MYLK4: variants seen among roughly 807,000 people sequenced by gnomAD.
MYLK4 encodes caMLCK like.
A neutral mutation model predicts 48.1 loss-of-function variants in MYLK4; 46 were observed. That is an observed-to-expected ratio of 0.96 (90% confidence interval 0.75 to 1.22). The LOEUF is 1.22. Ranked by LOEUF, MYLK4 falls within the 50% of genes most tolerant of loss-of-function variation. The probability of loss-of-function intolerance (pLI) is 0.00; values close to 1 mark genes in which losing one functional copy is unlikely to be tolerated. For missense variants in MYLK4, 451 were observed against 486.1 expected (o/e 0.93, Z 0.68); for synonymous variants, 170 against 180.8 (o/e 0.94, Z 0.48).
At chr6:2,765,683 C>A in the MYLK4 span, 1 of 1,551,392 alleles carries the variant, frequency 6.4e-7, no homozygotes, top group Non-Finnish European at 8.6e-7. Context: ...GGTGCAGTGC[C>A]CCGTGTGCCA....
At chr6:2,761,606 G>A in the MYLK4 span, among the ~76,000 whole-genome samples, 4 of 152,174 alleles carry the variant, frequency 2.6e-5, no homozygotes, top group East Asian at 7.7e-4. Context: ...TAATTCTCAT[G>A]ACAGACCGTG....
chr6:2,765,536 G>T, the MYLK4 span: 4 of 1,324,472 alleles, frequency 3.0e-6, no homozygotes, highest in African/African-American at 6.2e-5. Flanking sequence ...GTCTCGCGGC[G>T]CGGGGCCTAG....
chr6:2,680,373 A>G, intron 7 of MYLK4, 82 bp from the exon 8 acceptor site: 1 of 1,599,132 alleles, frequency 6.3e-7, no homozygotes, highest in South Asian at 1.1e-5. Context: ...TAAAAATACA[A>G]CGATGCTCAG....
Position 2,749,388 on chromosome 6 carries a change from C to G in MYLK4, c.-94G>C, listed in dbSNP as rs115316828. 6.3e-3 allele frequency: 5,908 copies of G among 943,058 alleles called. 40 individuals carry two copies. The highest frequency in any genetic ancestry group is 0.011 in the South Asian group (560 of 51,938). 58.4% of individuals were successfully genotyped at this position (943,058 alleles called of 1,614,324 possible). A position where few individuals can be genotyped will look rare whatever the true frequency, so the allele number is the denominator to read the frequency against. On this transcript the variant is annotated 5_prime_UTR_variant, in exon 2 of 13. Coordinates refer to ENST00000274643, the MANE Select transcript of MYLK4 (RefSeq NM_001012418.5). ...AAATCAGGACACAATTATGACTCTTCAGTGCTTCTTTCTCTTGACTGCAAA... is the reference window on the plus strand; with the variant it reads ...AAATCAGGACACAATTATGACTCTTGAGTGCTTCTTTCTCTTGACTGCAAA...
Position 2,667,179 on chromosome 6 carries a change from A to T in MYLK4, c.*746T>A, listed in dbSNP as rs911822815. On this transcript the variant is annotated 3_prime_UTR_variant, in exon 13 of 13. Transcript: ENST00000274643. ...CTTTTTGCATCACCTCTCAAAACCA[A>T]TGTGTTTTGTGGGGATGAACTGTCA... 5.3e-5 allele frequency: 8 copies of T among 152,200 alleles called. No individual in the cohort carries two copies. The highest frequency in any genetic ancestry group is 1.9e-4 in the African/African-American group (8 of 41,428). 9.4% of individuals were successfully genotyped at this position (152,200 alleles called of 1,614,324 possible).
At chr6:2,719,046 G>A (rs188039531) in intron 2 of MYLK4, among the ~76,000 whole-genome samples, 3 of 152,248 alleles carry the variant, frequency 2.0e-5, no homozygotes, top group Admixed American at 1.3e-4. Context: ...GACTGTTCTT[G>A]CAGACAGACC....
chr6:2,717,221 G>A (rs1762896319), intron 2 of MYLK4, among the ~76,000 whole-genome samples: 2 of 152,232 alleles, frequency 1.3e-5, no homozygotes, highest in Admixed American at 6.5e-5. Flanking sequence ...CGTAATTTGT[G>A]TAAAGTCTGA....
chr6:2,681,387 T>C (rs76725909), intron 7 of MYLK4, among the ~76,000 whole-genome samples: 2,485 of 152,328 alleles, frequency 0.016, 82 homozygotes, highest in African/African-American at 0.058. Context: ...AAAACAGATG[T>C]TTGTGAGTAA....
chr6:2,694,512 G>A (rs977899247), intron 2 of MYLK4, among the ~76,000 whole-genome samples: 39 of 31,572 alleles, frequency 1.2e-3, no homozygotes, highest in East Asian at 2.3e-3. Flanking sequence ...GGTGGTGGTG[G>A]CGGTGGTGGT....
chr6:2,762,100 G>C, the MYLK4 span, among the ~76,000 whole-genome samples: 2 of 152,056 alleles, frequency 1.3e-5, no homozygotes, highest in Non-Finnish European at 2.9e-5. Flanking sequence ...TTAGTAGACA[G>C]GGTTTCACCA....
rs568057204 is a variant in MYLK4 at position 2,723,696 on chromosome 6, G to A, written c.159+25440C>T. On this transcript the variant is annotated intron_variant, in intron 2 of 12. Transcript: ENST00000274643. Reference sequence around the variant, plus strand: ...GAGCTCAGGTAGAAGTGGTCGGGCTGTGGGTAGCTCTGCCTCCAGTCATCT... The same window carrying A: ...GAGCTCAGGTAGAAGTGGTCGGGCTATGGGTAGCTCTGCCTCCAGTCATCT... Among the ~76,000 whole-genome samples, 78 of 152,150 alleles carry A rather than the reference G, an allele frequency of 5.1e-4. 1 individual carries two copies. Among genetic ancestry groups the A allele is most frequent in the Non-Finnish European group, 8.7e-4 (59 of 68,018 alleles).
chr6:2,686,081 AAG>A (rs749353565), intron 4 of MYLK4, among the ~76,000 whole-genome samples: 17,625 of 100,928 alleles, frequency 0.17, 1,218 homozygotes, highest in African/African-American at 0.24. Context: ...AAAAAAAAAA[AAG>A]AAGAAAGAAA....
chr6:2,741,348 G>A (rs1240838041), intron 2 of MYLK4, among the ~76,000 whole-genome samples: 7 of 152,074 alleles, frequency 4.6e-5, no homozygotes, highest in Non-Finnish European at 8.8e-5. Flanking sequence ...TTTTGACGAC[G>A]TTGTTCTAAC....
intron 3 of MYLK4, among the ~76,000 whole-genome samples, chr6:2,691,971 G>A (rs772564708): frequency 6.6e-6 from 1 of 152,214 alleles, no homozygotes; most frequent in Non-Finnish European, 1.5e-5. Context: ...ACGCAATGCT[G>A]TAACCCTACC....
intron 2 of MYLK4, among the ~76,000 whole-genome samples, chr6:2,723,044 C>T (rs946358780): frequency 6.6e-6 from 1 of 152,102 alleles, no homozygotes; most frequent in Admixed American, 6.5e-5. Flanking sequence ...TCGATCCCAG[C>T]ACTTTGGGAG....
chr6:2,764,055 C>T, the MYLK4 span, among the ~76,000 whole-genome samples: 1 of 152,194 alleles, frequency 6.6e-6, no homozygotes, highest in South Asian at 2.1e-4. Flanking sequence ...TCACTGGAAC[C>T]CGGGAGGCGG....
At chr6:2,680,559 G>A (rs1582034234) in intron 7 of MYLK4, 1 of 985,400 alleles carries the variant, frequency 1.0e-6, no homozygotes, top group East Asian at 1.1e-4. Flanking sequence ...GGCCTTGAGG[G>A]GAGCAAGAAA....
At chr6:2,701,756 A>G (rs988867536) in intron 2 of MYLK4, among the ~76,000 whole-genome samples, 9 of 152,250 alleles carry the variant, frequency 5.9e-5, no homozygotes, top group African/African-American at 2.2e-4. Flanking sequence ...CCTGCTAGCA[A>G]TGCAGAACCT....
chr6:2,694,512 G>GTGATGGTGGTGGTGGTGGTGGTAGT (rs1561845882), intron 2 of MYLK4, among the ~76,000 whole-genome samples: 2 of 31,574 alleles, frequency 6.3e-5, no homozygotes, highest in Non-Finnish European at 1.4e-4. Context: ...GGTGGTGGTG[G>GTGATGGTGGTGGTGGTGGTGGTAGT]CGGTGGTGGT....
Sources: allele counts gnomAD v4.1 joint callset (sites outside exome capture counted in the v4.1 genomes callset), GRCh38; gene constraint gnomAD v4.1.1; transcripts MANE v1.5; gene names NCBI Gene and HGNC (gene_info 2026-07-23, HGNC 2026-07-21).